The following DNAH5 variants were observed in gnomAD, a reference collection of about 807,000 sequenced individuals.
DNAH5 encodes the protein dynein axonemal heavy chain 5.
In DNAH5, 372 loss-of-function variants were observed where a neutral mutation model predicts 518.2. The observed-to-expected ratio is 0.72, with a 90% CI of 0.66 to 0.78. The LOEUF (loss-of-function observed/expected upper bound fraction) is 0.78. Among genes scored for constraint, DNAH5 ranks in the 30% least tolerant of loss-of-function variants. DNAH5 has a pLI of 0.00. For synonymous variants in DNAH5, 2,039 were observed against 2,025.9 expected, an observed-to-expected ratio of 1.01 and a Z score of -0.17; for missense variants, 5,523 against 5,687.0, an observed-to-expected ratio of 0.97 and a Z score of 0.93.
chr5:13,768,923 C>A lies in DNAH5; in HGVS notation c.9897+37G>T, dbSNP rs1448762964. 7 of 1,611,018 alleles carry A rather than the reference C, an allele frequency of 4.3e-6. No individual in the cohort carries two copies. The South Asian group carries it at 7.7e-5, about 18-fold the overall frequency. On this transcript the variant is annotated intron_variant, in intron 58 of 78. Coordinates refer to ENST00000265104, the MANE Select transcript of DNAH5 (RefSeq NM_001369.3). ...TTTTAGCATTAGTCTGCCTCTTAAG[C>A]CCTAAAGCTGACATCTGTTATATCA...
intron 1 of DNAH5, among the ~76,000 whole-genome samples, chr5:13,950,226 T>A (rs1780273805): frequency 6.6e-6 from 1 of 151,752 alleles, no homozygotes; most frequent in South Asian, 2.1e-4. Flanking sequence ...TCCATAAGAG[T>A]TTTTTTTCCT....
intron 1 of DNAH5, among the ~76,000 whole-genome samples, chr5:13,958,580 G>A (rs543400775): frequency 1.5e-4 from 23 of 152,172 alleles, no homozygotes; most frequent in African/African-American, 5.5e-4. Flanking sequence ...TAGAATTAAA[G>A]ACAAAGGCAT....
chr5:13,969,027 C>T (rs1729581946), intron 1 of DNAH5, among the ~76,000 whole-genome samples: 1 of 152,052 alleles, frequency 6.6e-6, no homozygotes, highest in Non-Finnish European at 1.5e-5. Context: ...ATTTCTATTT[C>T]TTCCTGGTTT....
intron 66 of DNAH5, among the ~76,000 whole-genome samples, 175 bp downstream of exon 66, chr5:13,737,077 T>C (rs1747589009): frequency 6.6e-6 from 1 of 152,190 alleles, no homozygotes; most frequent in East Asian, 1.9e-4. Context: ...ATTTATACCA[T>C]TATAAAAAAT....
rs572475442 is a variant in DNAH5, at chr5:13,721,976, A to AGGG, written c.12034-732_12034-731insCCC. ...CCTTAGTCTATATTCTCCACCTTCT[A>AGGG]AATAATTAAATTCCCTCAAAAACAT... On this transcript the variant is annotated intron_variant, in intron 70 of 78. Transcript: ENST00000265104. Among the ~76,000 whole-genome samples, 332 of 152,330 alleles carry AGGG rather than the reference A, an allele frequency of 2.2e-3. 1 individual carries two copies. The highest frequency in any genetic ancestry group is 6.8e-3 in the African/African-American group (283 of 41,578).
intron 1 of DNAH5, among the ~76,000 whole-genome samples, chr5:13,952,435 G>A (rs1257160046): frequency 6.6e-6 from 1 of 152,188 alleles, no homozygotes; most frequent in Non-Finnish European, 1.5e-5. Flanking sequence ...TCTAGCCAGA[G>A]AAAGAATGAT....
In DNAH5 at chr5:13,786,254, C is replaced by T; in HGVS notation, c.8745G>A (p.Gln2915=). ...HLKERLNMFL[Q]LYNESIRGAG... is the part of the protein sequence containing the mutation. Reference sequence around the variant, plus strand: ...CGCCACGGATGCTCTCATTATAGAGCTGCAGGAACATATTCAGACGCTCTT... The same window carrying T: ...CGCCACGGATGCTCTCATTATAGAGTTGCAGGAACATATTCAGACGCTCTT... Residue 2915 remains glutamine (Q), a synonymous_variant, in exon 52 of 79, where the codon CAG becomes CAA. Coordinates refer to ENST00000265104, the MANE Select transcript of DNAH5 (RefSeq NM_001369.3). The T allele has an allele frequency of 6.2e-7, 1 of 1,614,062 alleles. No homozygotes were observed. The highest frequency in any genetic ancestry group is 8.5e-7 in the Non-Finnish European group (1 of 1,180,002).
intron 30 of DNAH5, among the ~76,000 whole-genome samples, chr5:13,855,889 A>C (rs186079395): frequency 4.0e-4 from 61 of 152,346 alleles, no homozygotes; most frequent in Admixed American, 3.5e-3. Flanking sequence ...CCAGCTCCTG[A>C]ATGCCTACTG....
intron 1 of DNAH5, among the ~76,000 whole-genome samples, chr5:13,955,183 T>TTC (rs1317351328): frequency 3.3e-5 from 5 of 152,100 alleles, no homozygotes; most frequent in African/African-American, 1.2e-4. Flanking sequence ...GAACTGGTTG[T>TTC]TTAAAAGTGT....
intron 66 of DNAH5, 40 bp from the exon 67 acceptor site, chr5:13,735,972 G>T (rs1747346540): frequency 6.7e-7 from 1 of 1,501,466 alleles, no homozygotes; most frequent in Non-Finnish European, 9.3e-7. Context: ...CTACGAGAGA[G>T]GAAAATAAAT....
intron 21 of DNAH5, among the ~76,000 whole-genome samples, chr5:13,879,263 A>T (rs1414859549): frequency 6.6e-6 from 1 of 152,248 alleles, no homozygotes; most frequent in African/African-American, 2.4e-5. Context: ...AAGTGGACAT[A>T]TATGATTTAT....
chr5:13,722,522 CCA>C (rs869185773), intron 70 of DNAH5, among the ~76,000 whole-genome samples: 2 of 125,946 alleles, frequency 1.6e-5, no homozygotes, highest in African/African-American at 2.9e-5. Flanking sequence ...ACAATGGGTG[CCA>C]CATGAGTCTA....
At chr5:13,898,184 T>G (rs1774148972) in intron 15 of DNAH5, 1 of 169,738 alleles carries the variant, frequency 5.9e-6, no homozygotes, top group Non-Finnish European at 1.2e-5. Flanking sequence ...GAATCACCTA[T>G]GCAAGCCCCA....
rs147183740 is a variant in DNAH5, at chr5:13,855,880, C to A, written c.4950+3572G>T. ...CACAACTACATGGAAACTGAACAAC[C>A]AGCTCCTGAATGCCTACTGGGTAAA... On this transcript the variant is annotated intron_variant, in intron 30 of 78. Transcript: ENST00000265104. 7.7e-3 allele frequency among the ~76,000 whole-genome samples: 1,178 copies of A among 152,242 alleles called. 5 individuals carry two copies. Among genetic ancestry groups the A allele is most frequent in the Non-Finnish European group, 0.012 (818 of 68,006 alleles).
chr5:13,742,698 C>T (rs576675526), intron 65 of DNAH5, among the ~76,000 whole-genome samples: 4 of 151,942 alleles, frequency 2.6e-5, no homozygotes, highest in African/African-American at 9.7e-5. Context: ...TCATTGTTAA[C>T]AAATTTGTCG....
chr5:13,735,190 A>C lies in DNAH5; in HGVS notation c.11702T>G (p.Leu3901Arg), dbSNP rs1561136518. Residue 3901 changes from leucine (L) to arginine (R), a missense_variant, in exon 68 of 79, where the codon CTA becomes CGA. By Grantham distance (102) the Leu-to-Arg change is moderately radical. Transcript: ENST00000265104. ...TCGGTTCCTCTGGATGTCAATCTTTAGGGTAAGCAACAAGGTGAACAGGAA... is the reference window on the plus strand; with the variant it reads ...TCGGTTCCTCTGGATGTCAATCTTTCGGGTAAGCAACAAGGTGAACAGGAA... ...HKFLFTLLLT[L>R]KIDIQRNRVK... 1 of 1,614,130 alleles carries C rather than the reference A, an allele frequency of 6.2e-7. No individual in the cohort carries two copies. Among genetic ancestry groups the C allele is most frequent in the Non-Finnish European group, 8.5e-7 (1 of 1,180,006 alleles).
intron 1 of DNAH5, among the ~76,000 whole-genome samples, chr5:13,953,776 C>A (rs1039731442): frequency 6.6e-6 from 1 of 152,156 alleles, no homozygotes; most frequent in African/African-American, 2.4e-5. Flanking sequence ...GGCGCGATCT[C>A]GGCTTGATGC....
chr5:13,729,212 C>A (rs745345731), intron 69 of DNAH5, among the ~76,000 whole-genome samples: 3 of 152,130 alleles, frequency 2.0e-5, no homozygotes, highest in Non-Finnish European at 4.4e-5. Context: ...CAGGATGGCA[C>A]TGGTTAAAGT....
intron 65 of DNAH5, among the ~76,000 whole-genome samples, chr5:13,742,030 A>G (rs1451781486): frequency 6.6e-6 from 1 of 152,076 alleles, no homozygotes. Context: ...TTCTGGCCAA[A>G]TTTTCAGAAG....
Sources: allele counts gnomAD v4.1 joint callset (sites outside exome capture counted in the v4.1 genomes callset), GRCh38; gene constraint gnomAD v4.1.1; transcripts MANE v1.5; gene names NCBI Gene and HGNC (gene_info 2026-07-23, HGNC 2026-07-21).